Variants in ARPP21 observed in about 807,000 individuals in gnomAD.
ARPP21 encodes cAMP regulated phosphoprotein 21.
Under a neutral mutation model 113.2 loss-of-function variants are expected in ARPP21, and 69 were observed. The ratio of observed to expected loss-of-function variants is 0.61; its 90% CI spans 0.50 to 0.74. The LOEUF is 0.74. ARPP21 is among the 30% of genes least tolerant of loss of function. ARPP21 has a pLI of 0.00. For missense variants in ARPP21, 1,070 were observed against 1,037.4 expected, an observed-to-expected ratio of 1.03 and a Z score of -0.43; for synonymous variants, 368 against 375.5, an observed-to-expected ratio of 0.98 and a Z score of 0.23.
chr3:35,733,039 C>T (rs1576412127), intron 15 of ARPP21, among the ~76,000 whole-genome samples: 1 of 152,148 alleles, frequency 6.6e-6, no homozygotes, highest in African/African-American at 2.4e-5. Flanking sequence ...TCTCTCACCC[C>T]TTCTCTCTCT....
chr3:35,755,051 G>A (rs779849276), intron 19 of ARPP21, among the ~76,000 whole-genome samples: 2 of 151,942 alleles, frequency 1.3e-5, no homozygotes, highest in Non-Finnish European at 2.9e-5. Flanking sequence ...TTTTCTAGGA[G>A]ACAAACTAAA....
intron 16 of ARPP21, 34 bp downstream of exon 16, chr3:35,737,396 T>C: frequency 6.7e-7 from 1 of 1,484,818 alleles, no homozygotes; most frequent in Non-Finnish European, 9.3e-7. Context: ...GGAAGGGAAG[T>C]ACCCTGAGAT....
At chr3:35,668,377 T>C (rs2075460822) in intron 1 of ARPP21, among the ~76,000 whole-genome samples, 1 of 152,148 alleles carries the variant, frequency 6.6e-6, no homozygotes, top group Non-Finnish European at 1.5e-5. Context: ...ATAGCCAATG[T>C]AGTCCACTGG....
chr3:35,792,149 C>T (rs2096759855), intron 19 of ARPP21: 2 of 473,852 alleles, frequency 4.2e-6, no homozygotes, highest in Non-Finnish European at 7.6e-6. Context: ...ATTCAATAGA[C>T]CATTCTGCAT....
At chr3:35,776,812 A>G (rs2096383644) in intron 19 of ARPP21, among the ~76,000 whole-genome samples, 1 of 152,028 alleles carries the variant, frequency 6.6e-6, no homozygotes, top group South Asian at 2.1e-4. Context: ...CTGCTCTCCC[A>G]GGGATGGGAG....
In ARPP21 at chr3:35,689,376, A is replaced by G; in HGVS notation, c.476A>G (p.Asn159Ser). Residue 159 changes from asparagine (N) to serine (S), a missense_variant, in exon 7 of 21, where the codon AAT becomes AGT. Physicochemically the swap from Asn to Ser is conservative, Grantham distance 46. Transcript: ENST00000684406. ...LHEFLINTLK[N>S]NSRDRMILLK... ...GAGTTTCTGATTAACACATTAAAGA[A>G]TAATTCCAGGTAAATTATTAAATGA... 1 of 1,505,570 alleles carries G rather than the reference A, an allele frequency of 6.6e-7. No individual in the cohort carries two copies. Among genetic ancestry groups the G allele is most frequent in the Non-Finnish European group, 9.2e-7 (1 of 1,082,290 alleles). The allele number at this position is 1,505,570 out of a possible 1,614,324, so 93.3% of individuals were successfully genotyped here.
intron 1 of ARPP21, among the ~76,000 whole-genome samples, chr3:35,678,439 G>T (rs928321866): frequency 1.3e-5 from 2 of 151,864 alleles, no homozygotes; most frequent in South Asian, 2.1e-4. Context: ...ATTTAATATT[G>T]AGTATTATAG....
intron 14 of ARPP21, among the ~76,000 whole-genome samples, chr3:35,724,502 C>A (rs1447845762): frequency 1.3e-5 from 2 of 152,172 alleles, no homozygotes; most frequent in Non-Finnish European, 2.9e-5. Flanking sequence ...CAACACCCAC[C>A]CCCAGAGTTT....
chr3:35,684,578 A>T (rs924335539), intron 5 of ARPP21: 4 of 985,398 alleles, frequency 4.1e-6, no homozygotes, highest in African/African-American at 3.5e-5. Flanking sequence ...TTATTTTATC[A>T]GAGGCTGGGT....
rs145977648 is a variant in ARPP21, at chr3:35,689,158, G to C, written c.407-149G>C. ...TTTTCATTCTGATGTTATATTGCCAGATTGCTAGTTTTGAAACATGTATTT... is the reference window on the plus strand; with the variant it reads ...TTTTCATTCTGATGTTATATTGCCACATTGCTAGTTTTGAAACATGTATTT... On this transcript the variant is annotated intron_variant, in intron 6 of 20. Coordinates refer to ENST00000684406, the MANE Select transcript of ARPP21 (RefSeq NM_001385562.1). 2,366 of 646,996 alleles carry C rather than the reference G, an allele frequency of 3.7e-3. 35 individuals are homozygous for C. In the African/African-American group the frequency reaches 0.039, roughly 11 times the overall value. The allele number at this position is 646,996 out of a possible 1,614,324, so 40.1% of individuals were successfully genotyped here.
At chr3:35,748,113 G>A (rs143606339) in intron 19 of ARPP21, among the ~76,000 whole-genome samples, 19,412 of 83,224 alleles carry the variant, frequency 0.23, 2,112 homozygotes, top group Non-Finnish European at 0.26. Context: ...AAAGAAAGAA[G>A]AAAGAAAGAA....
intron 19 of ARPP21, among the ~76,000 whole-genome samples, chr3:35,761,944 A>G (rs995136309): frequency 5.3e-5 from 8 of 152,088 alleles, no homozygotes; most frequent in Non-Finnish European, 8.8e-5. Flanking sequence ...GCATCATTCC[A>G]CACTGAAACC....
intron 15 of ARPP21, among the ~76,000 whole-genome samples, chr3:35,733,265 A>G (rs1399159402): frequency 6.6e-6 from 1 of 151,844 alleles, no homozygotes; most frequent in Admixed American, 6.6e-5. Context: ...CTCAATAATT[A>G]CATTATTATT....
rs1478885794 is a variant in ARPP21 at position 35,721,738 on chromosome 3, G to A, written c.1129G>A (p.Ala377Thr). ...CAGTTCCAACCGCAATCTAAAGCCC[G>A]CCATGACCAAGACGGCGAGTTTTGG... The part of the protein sequence containing the change: ...SDSSNRNLKP[A>T]MTKTASFGGI... Residue 377 changes from alanine (A) to threonine (T), a missense_variant, in exon 14 of 21, where the codon GCC (alanine) becomes ACC (threonine). Transcript: ENST00000684406. 10 of 1,613,666 alleles carry A rather than the reference G, an allele frequency of 6.2e-6. No homozygotes were observed. The highest frequency in any genetic ancestry group is 1.6e-4 in the Middle Eastern group (1 of 6,082).
Position 35,729,299 on chromosome 3 carries a change from C to T in ARPP21, c.1226-4C>T. The T allele has an allele frequency of 6.2e-7, 1 of 1,607,954 alleles. No homozygotes were observed. The highest frequency in any genetic ancestry group is 8.5e-7 in the Non-Finnish European group (1 of 1,174,518). ...ATGATTTGTTGATTGTATCCCTATG[C>T]CAGGTTCCGAGTCTTCCAGCAGTGC... is the stretch of plus-strand genomic sequence containing the variant. On this transcript the variant is annotated splice_polypyrimidine_tract_variant and splice_region_variant and intron_variant, in intron 14 of 20. Coordinates refer to ENST00000684406, the MANE Select transcript of ARPP21 (RefSeq NM_001385562.1).
chr3:35,747,125 T>C (rs576067034), intron 19 of ARPP21, among the ~76,000 whole-genome samples: 1 of 152,188 alleles, frequency 6.6e-6, no homozygotes, highest in East Asian at 1.9e-4. Context: ...TGGAGGCAGG[T>C]GGATCACCTG....
chr3:35,707,588 G>A, intron 10 of ARPP21: 1 of 454,894 alleles, frequency 2.2e-6, no homozygotes, highest in Non-Finnish European at 4.4e-6. Context: ...AGTCTTCAGA[G>A]AAAAGAATTG....
At chr3:35,644,912 C>A (rs1016058276) in intron 1 of ARPP21, among the ~76,000 whole-genome samples, 1 of 151,834 alleles carries the variant, frequency 6.6e-6, no homozygotes, top group Non-Finnish European at 1.5e-5. Flanking sequence ...ATTTAATATA[C>A]CTTTCAATGT....
At chr3:35,688,014 G>C in intron 6 of ARPP21, 131 bp downstream of exon 6, 1 of 740,042 alleles carries the variant, frequency 1.4e-6, no homozygotes, top group Non-Finnish European at 2.1e-6. Context: ...GTACGTATCT[G>C]TGTGTGTGTA....
Sources: allele counts gnomAD v4.1 joint callset (sites outside exome capture counted in the v4.1 genomes callset), GRCh38; gene constraint gnomAD v4.1.1; transcripts MANE v1.5; gene names NCBI Gene and HGNC (gene_info 2026-07-23, HGNC 2026-07-21).